The following STK38 variants were observed in gnomAD, a reference collection of about 807,000 sequenced individuals.
The protein encoded by STK38 is serine/threonine-protein kinase 38.
A neutral mutation model predicts 59.0 loss-of-function variants in STK38; 26 were observed. The ratio of observed to expected loss-of-function variants is 0.44; its 90% CI spans 0.32 to 0.61. The LOEUF (loss-of-function observed/expected upper bound fraction) is 0.61, where lower values mean the gene tolerates loss of function less well. Ranked by LOEUF, STK38 falls within the 20% of genes least tolerant of loss-of-function variation. The probability of loss-of-function intolerance (pLI) is 0.04; values close to 1 mark genes in which losing one functional copy is unlikely to be tolerated. For synonymous variants in STK38, 175 were observed against 176.6 expected, an observed-to-expected ratio of 0.99 and a Z score of 0.07; for missense variants, 433 against 566.0, an observed-to-expected ratio of 0.76 and a Z score of 2.38.
chr6:36,528,474 T>C (rs150808131), intron 2 of STK38, among the ~76,000 whole-genome samples: 35 of 152,280 alleles, frequency 2.3e-4, no homozygotes, highest in Non-Finnish European at 4.0e-4. Flanking sequence ...AGAAAAACCT[T>C]AGAATTTCCT....
chr6:36,532,669 C>T (rs1022006871), intron 2 of STK38, among the ~76,000 whole-genome samples: 9 of 151,936 alleles, frequency 5.9e-5, no homozygotes, highest in African/African-American at 2.2e-4. Flanking sequence ...GAAGCTGAGG[C>T]GGGCAGATCA....
intron 1 of STK38, among the ~76,000 whole-genome samples, chr6:36,541,032 G>A (rs1359121246): frequency 2.0e-5 from 3 of 151,890 alleles, no homozygotes; most frequent in East Asian, 1.9e-4. Flanking sequence ...CCAAGCAGCT[G>A]GGACTACAGG....
intron 2 of STK38, among the ~76,000 whole-genome samples, chr6:36,529,891 A>G (rs2127485142): frequency 6.6e-6 from 1 of 152,264 alleles, no homozygotes; most frequent in African/African-American, 2.4e-5. Context: ...TTCCACCCTA[A>G]TTGAAAACAG....
intron 9 of STK38, among the ~76,000 whole-genome samples, chr6:36,501,938 C>T (rs1474560641): frequency 6.6e-6 from 1 of 152,152 alleles, no homozygotes; most frequent in Non-Finnish European, 1.5e-5. Context: ...GCAAGCATTC[C>T]TCTAGAGTAT....
chr6:36,494,069 T>C lies in STK38; in HGVS notation c.*1715A>G, dbSNP rs1207217339. 1 of 152,160 alleles carries C rather than the reference T, an allele frequency of 6.6e-6. No homozygotes were observed. Among genetic ancestry groups the C allele is most frequent in the Admixed American group, 6.5e-5 (1 of 15,278 alleles). The allele number at this position is 152,160 out of a possible 1,614,324, so 9.4% of individuals were successfully genotyped here. ...ACACAGGAGTCAACACCCCAACTAT[T>C]TGGTAATACAAAGAGACTACAAAGT... On this transcript the variant is annotated 3_prime_UTR_variant, in exon 14 of 14. Coordinates refer to ENST00000229812, the MANE Select transcript of STK38 (RefSeq NM_007271.4).
intron 1 of STK38, among the ~76,000 whole-genome samples, chr6:36,545,773 T>C (rs1452600223): frequency 6.6e-6 from 1 of 152,166 alleles, no homozygotes; most frequent in Non-Finnish European, 1.5e-5. Context: ...TCTTCAACTC[T>C]GAAGAATTAG....
At chr6:36,540,344 G>C (rs570497507) in intron 1 of STK38, 137 bp from the exon 2 acceptor site, 1 of 795,024 alleles carries the variant, frequency 1.3e-6, no homozygotes, top group African/African-American at 1.7e-5. Context: ...ACAAAAGCCA[G>C]AGAAAGAGAA....
rs571356350 is a variant in STK38, at chr6:36,507,096, T to C, written c.772+404A>G. Among the ~76,000 whole-genome samples, 188 of 152,358 alleles carry C rather than the reference T, an allele frequency of 1.2e-3. 1 individual carries two copies. Among genetic ancestry groups the C allele is most frequent in the African/African-American group, 4.0e-3 (165 of 41,586 alleles). ...TAGGATGAACTGAAATTTTACTACA[T>C]AGTTGTCAACGATTTCATAGTGCTC... On this transcript the variant is annotated intron_variant, in intron 8 of 13. Transcript: ENST00000229812.
intron 10 of STK38, among the ~76,000 whole-genome samples, chr6:36,498,820 G>GTA (rs766399141): frequency 5.3e-5 from 8 of 151,776 alleles, no homozygotes; most frequent in Non-Finnish European, 1.0e-4. Context: ...TGAACTCCTG[G>GTA]GTTTAAGAGA....
At chr6:36,512,302 C>A (rs909080966) in intron 7 of STK38, among the ~76,000 whole-genome samples, 1 of 152,142 alleles carries the variant, frequency 6.6e-6, no homozygotes, top group African/African-American at 2.4e-5. Flanking sequence ...GGCAAACCTG[C>A]ACCTAACAGG....
chr6:36,502,277 G>T (rs150107279), intron 9 of STK38, among the ~76,000 whole-genome samples: 72 of 152,168 alleles, frequency 4.7e-4, no homozygotes, highest in East Asian at 4.2e-3. Flanking sequence ...TGAGTAGCTG[G>T]GACTGTAGGG....
chr6:36,495,675 C>T lies in STK38; in HGVS notation c.*109G>A, dbSNP rs535244835. The T allele has an allele frequency of 4.9e-6, 7 of 1,416,468 alleles. No individual in the cohort carries two copies. The African/African-American group carries it at 8.5e-5, about 17-fold the overall frequency. 87.7% of individuals were successfully genotyped at this position (1,416,468 alleles called of 1,614,324 possible). A position where few individuals can be genotyped will look rare whatever the true frequency, so the allele number is the denominator to read the frequency against. ...CACATTTCAGGAGACTTTACTATGA[C>T]ATATTGGTGGGTTCCATCAACTTCT... On this transcript the variant is annotated 3_prime_UTR_variant, in exon 14 of 14. Transcript: ENST00000229812.
intron 2 of STK38, among the ~76,000 whole-genome samples, chr6:36,532,433 T>A (rs1249445619): frequency 6.6e-6 from 1 of 152,166 alleles, no homozygotes; most frequent in Non-Finnish European, 1.5e-5. Context: ...CCTGAAAGTC[T>A]TATTGAGCTG....
chr6:36,512,967 T>C (rs1777149293), intron 7 of STK38, among the ~76,000 whole-genome samples: 1 of 151,984 alleles, frequency 6.6e-6, no homozygotes, highest in East Asian at 1.9e-4. Flanking sequence ...GCCAGCGTAA[T>C]TTTTCTTCTT....
chr6:36,520,655 G>A (rs1049385009), intron 5 of STK38, among the ~76,000 whole-genome samples: 3 of 152,050 alleles, frequency 2.0e-5, no homozygotes, highest in Non-Finnish European at 2.9e-5. Flanking sequence ...TAAGTAGGCC[G>A]GCCTACTATG....
At chr6:36,541,142 G>A (rs775335821) in intron 1 of STK38, among the ~76,000 whole-genome samples, 2 of 151,810 alleles carry the variant, frequency 1.3e-5, no homozygotes, top group African/African-American at 2.4e-5. Flanking sequence ...CTCATGATCC[G>A]CCCATCTCAG....
Position 36,507,440 on chromosome 6 carries a change from G to A in STK38, c.772+60C>T, listed in dbSNP as rs1321096628. 5 of 1,401,198 alleles carry A rather than the reference G, an allele frequency of 3.6e-6. No homozygotes were observed. The African/African-American group carries it at 4.3e-5, about 12-fold the overall frequency. The allele number at this position is 1,401,198 out of a possible 1,614,324, so 86.8% of individuals were successfully genotyped here. A position where few individuals can be genotyped will look rare whatever the true frequency, so the allele number is the denominator to read the frequency against. ...CTATCTGTTCTAATTTGGTTACAAGGGAAACAGCTCTTCTAGGCCCAGTTA... is the reference window on the plus strand; with the variant it reads ...CTATCTGTTCTAATTTGGTTACAAGAGAAACAGCTCTTCTAGGCCCAGTTA... On this transcript the variant is annotated intron_variant, in intron 8 of 13. Transcript: ENST00000229812.
chr6:36,503,017 G>T (rs1196970526), intron 9 of STK38, among the ~76,000 whole-genome samples: 1 of 152,140 alleles, frequency 6.6e-6, no homozygotes, highest in East Asian at 1.9e-4. Flanking sequence ...GATGGACACT[G>T]GATTATTCCC....
intron 4 of STK38, among the ~76,000 whole-genome samples, chr6:36,523,561 C>T (rs928926969): frequency 2.0e-5 from 3 of 151,960 alleles, no homozygotes; most frequent in Admixed American, 6.6e-5. Context: ...TGCCTGGCCC[C>T]GGGGTACCAG....
Sources: allele counts gnomAD v4.1 joint callset (sites outside exome capture counted in the v4.1 genomes callset), GRCh38; gene constraint gnomAD v4.1.1; transcripts MANE v1.5; gene names NCBI Gene and HGNC (gene_info 2026-07-23, HGNC 2026-07-21).